PRKAR1B: variants seen among roughly 807,000 people sequenced by gnomAD.
The protein encoded by PRKAR1B is protein kinase cAMP-dependent type I regulatory subunit beta, also known as cAMP-dependent protein kinase type I-beta regulatory subunit.
Under a neutral mutation model 46.5 loss-of-function variants are expected in PRKAR1B, and 22 were observed. The observed-to-expected ratio is 0.47, with a 90% CI of 0.34 to 0.68. The LOEUF (loss-of-function observed/expected upper bound fraction) is 0.68, where lower values mean the gene tolerates loss of function less well. PRKAR1B is among the 30% of genes least tolerant of loss of function. The pLI is 0.01. For synonymous variants in PRKAR1B, 259 were observed against 217.7 expected (o/e 1.19, Z -1.67); for missense variants, 445 against 535.6 (o/e 0.83, Z 1.67).
chr7:553,560 G>A (rs1246022378), intron 9 of PRKAR1B, among the ~76,000 whole-genome samples: 7 of 152,346 alleles, frequency 4.6e-5, no homozygotes, highest in South Asian at 4.1e-4. Context: ...CAGGGATCAC[G>A]TCCCCACAGC....
intron 3 of PRKAR1B, among the ~76,000 whole-genome samples, chr7:677,715 C>T (rs1287112585): frequency 1.3e-5 from 2 of 152,128 alleles, no homozygotes; most frequent in East Asian, 3.9e-4. Flanking sequence ...GTGTGAGCCA[C>T]CGCACCCAGC....
chr7:671,326 A>G (rs886744502), intron 4 of PRKAR1B, among the ~76,000 whole-genome samples: 2 of 152,118 alleles, frequency 1.3e-5, no homozygotes, highest in African/African-American at 4.8e-5. Flanking sequence ...ACGCCCAAAC[A>G]TTTGCCTCTC....
At chr7:552,747 C>A (rs577419618) in intron 9 of PRKAR1B, among the ~76,000 whole-genome samples, 1 of 152,190 alleles carries the variant, frequency 6.6e-6, no homozygotes, top group African/African-American at 2.4e-5. Flanking sequence ...CCCTGGGGGT[C>A]GGTATCTTTG....
rs926910079 is a variant in PRKAR1B, at chr7:639,567, C to G, written c.441-32115G>C. ...AAAGCATAATTGAAAAAAGATAAAA[C>G]TGCCAGGCATACTGGCTCACGCCTG... is the stretch of plus-strand genomic sequence containing the variant. On this transcript the variant is annotated intron_variant, in intron 4 of 10. Coordinates refer to ENST00000537384, the MANE Select transcript of PRKAR1B (RefSeq NM_001164760.2). Among the ~76,000 whole-genome samples, 7 of 152,344 alleles carry G rather than the reference C, an allele frequency of 4.6e-5. No individual in the cohort carries two copies. In the East Asian group the frequency reaches 9.7e-4, roughly 21 times the overall value.
At chr7:700,340 G>A (rs74703714) in intron 2 of PRKAR1B, among the ~76,000 whole-genome samples, 4,976 of 152,270 alleles carry the variant, frequency 0.033, 310 homozygotes, top group African/African-American at 0.11. Flanking sequence ...CATGGACCTC[G>A]TCAATTGATT....
intron 2 of PRKAR1B, among the ~76,000 whole-genome samples, chr7:699,607 C>G (rs1437763794): frequency 6.6e-6 from 1 of 152,174 alleles, no homozygotes; most frequent in African/African-American, 2.4e-5. Context: ...CTGAGCTCAC[C>G]CAAGACAGGG....
intron 10 of PRKAR1B, among the ~76,000 whole-genome samples, chr7:551,126 G>A (rs1171883909): frequency 5.3e-5 from 8 of 152,134 alleles, no homozygotes; most frequent in Non-Finnish European, 1.2e-4. Flanking sequence ...CCCAGAAGCA[G>A]GAGGCTGCCT....
At chr7:682,653 G>A (rs983602508) in intron 2 of PRKAR1B, among the ~76,000 whole-genome samples, 1 of 152,000 alleles carries the variant, frequency 6.6e-6, no homozygotes, top group Non-Finnish European at 1.5e-5. Flanking sequence ...GCTGAGGCAG[G>A]AGAATGGCGT....
chr7:597,895 C>T (rs760480177), intron 6 of PRKAR1B, among the ~76,000 whole-genome samples: 3 of 152,202 alleles, frequency 2.0e-5, no homozygotes, highest in Admixed American at 1.3e-4. Flanking sequence ...CAAATAGGAA[C>T]GTGCCCAACT....
chr7:555,357 A>G (rs747246429), intron 9 of PRKAR1B, among the ~76,000 whole-genome samples: 3 of 151,494 alleles, frequency 2.0e-5, no homozygotes, highest in South Asian at 2.1e-4. Context: ...GCAAGAGCAC[A>G]CTGGCCGTGC....
intron 9 of PRKAR1B, among the ~76,000 whole-genome samples, chr7:558,651 G>A (rs1476308184): frequency 6.6e-6 from 1 of 152,038 alleles, no homozygotes; most frequent in African/African-American, 2.4e-5. Context: ...TACTGGGGAG[G>A]CTGAGGCAGG....
At chr7:690,345 G>A (rs1467543004) in intron 2 of PRKAR1B, among the ~76,000 whole-genome samples, 3 of 151,156 alleles carry the variant, frequency 2.0e-5, no homozygotes, top group South Asian at 2.1e-4. Context: ...GAAAAGCGAC[G>A]GCTGGGTGCT....
chr7:587,685 C>T (rs888191299), intron 7 of PRKAR1B, among the ~76,000 whole-genome samples: 1 of 152,198 alleles, frequency 6.6e-6, no homozygotes, highest in Non-Finnish European at 1.5e-5. Context: ...CTGGGGACAC[C>T]GAGTGAGCAT....
At chr7:606,708 A>G (rs1232950678) in intron 5 of PRKAR1B, among the ~76,000 whole-genome samples, 2 of 152,034 alleles carry the variant, frequency 1.3e-5, no homozygotes, top group Non-Finnish European at 2.9e-5. Flanking sequence ...TCGGCCTCCC[A>G]AAGTGCTGGG....
chr7:659,550 G>A (rs1175272359), intron 4 of PRKAR1B, among the ~76,000 whole-genome samples: 1 of 152,160 alleles, frequency 6.6e-6, no homozygotes, highest in Non-Finnish European at 1.5e-5. Flanking sequence ...GAGCCAATGG[G>A]GAGAGGAGAA....
chr7:665,236 A>G (rs1785838108), intron 4 of PRKAR1B, among the ~76,000 whole-genome samples: 1 of 152,148 alleles, frequency 6.6e-6, no homozygotes, highest in South Asian at 2.1e-4. Flanking sequence ...TTTTCCCGGC[A>G]GGTTAATGAG....
intron 9 of PRKAR1B, among the ~76,000 whole-genome samples, chr7:573,275 C>T (rs1329076985): frequency 3.3e-5 from 5 of 152,218 alleles, no homozygotes; most frequent in African/African-American, 4.8e-5. Context: ...GGTTGAGTTT[C>T]GTCCCGGAGG....
rs539280814 is a variant in PRKAR1B at position 661,898 on chromosome 7, C to G, written c.440+15331G>C. On this transcript the variant is annotated intron_variant, in intron 4 of 10. Coordinates refer to ENST00000537384, the MANE Select transcript of PRKAR1B (RefSeq NM_001164760.2). ...ACAGGTCCAAATACCTACTCTCCCC[C>G]CCATGGCACAGGTCCCCACCCCAAC... Among the ~76,000 whole-genome samples the G allele has an allele frequency of 1.3e-3, 86 of 66,488 alleles. 1 individual carries two copies. Among genetic ancestry groups the G allele is most frequent in the African/African-American group, 5.7e-3 (83 of 14,614 alleles). The allele number at this position is 66,488 out of a possible 152,430, so 43.6% of individuals were successfully genotyped here.
chr7:611,898 G>C (rs555624858), intron 4 of PRKAR1B, among the ~76,000 whole-genome samples: 1 of 151,952 alleles, frequency 6.6e-6, no homozygotes, highest in South Asian at 2.1e-4. Context: ...TGGATGAACA[G>C]GTGGGTGAGT....
Sources: allele counts gnomAD v4.1 joint callset (sites outside exome capture counted in the v4.1 genomes callset), GRCh38; gene constraint gnomAD v4.1.1; transcripts MANE v1.5; gene names NCBI Gene and HGNC (gene_info 2026-07-23, HGNC 2026-07-21).